The following DENND2B variants were observed in gnomAD, a reference collection of about 807,000 sequenced individuals.
The protein encoded by DENND2B is DENN domain containing 2B.
In DENND2B, 32 loss-of-function variants were observed where a neutral mutation model predicts 116.0. The ratio of observed to expected loss-of-function variants is 0.28; its 90% confidence interval spans 0.21 to 0.37. DENND2B has a LOEUF of 0.37. Ranked by LOEUF, DENND2B falls within the 10% of genes least tolerant of loss-of-function variation. DENND2B has a pLI of 1.00. For synonymous variants in DENND2B, 588 were observed against 583.9 expected (o/e 1.01, Z -0.10); for missense variants, 1,276 against 1,477.7 (o/e 0.86, Z 2.24).
At chr11:8,872,359 G>A (rs548606616), upstream of DENND2B, among the ~76,000 whole-genome samples, 1 of 151,826 alleles carries the variant, frequency 6.6e-6, no homozygotes, top group African/African-American at 2.4e-5. Flanking sequence ...GGTGGCAGGC[G>A]CCTGTAATCT....
rs1329359217 is a variant in DENND2B, at chr11:8,730,449, C to G, written c.841G>C (p.Val281Leu). ...TCAATTTTCTGGATCCGGCTCAGCA[C>G]TGCTGAGCTCTCCTTCCTGCTGCCA... ...GHGSRKESSA[V>L]LSRIQKIEQV... The change falls in exon 3 of 20, where the codon GTG (valine) becomes CTG (leucine). Residue 281 changes from valine (V) to leucine (L), a missense_variant. This residue lies in a region of DENND2B where 856 missense variants were observed against 846.6 expected (regional missense o/e 1.01). Coordinates refer to ENST00000313726, the MANE Select transcript of DENND2B (RefSeq NM_213618.2). The surrounding 1 kb of genome is among the most constrained non-coding windows in gnomAD (Gnocchi z 4.1). 1.2e-6 allele frequency: 2 copies of G among 1,610,562 alleles called. No homozygotes were observed. The highest frequency in any genetic ancestry group is 1.7e-6 in the Non-Finnish European group (2 of 1,179,994).
intron 1 of DENND2B, among the ~76,000 whole-genome samples, chr11:8,902,325 CAAAAAAAAA>C (rs71059192): frequency 7.8e-6 from 1 of 128,062 alleles, no homozygotes; most frequent in South Asian, 2.5e-4. Context: ...GACTCCATCT[CAAAAAAAAA>C]AAAAAAAGAG....
chr11:8,714,775 T>A, intron 6 of DENND2B, 69 bp from the exon 7 acceptor site: 1 of 1,330,504 alleles, frequency 7.5e-7, no homozygotes, highest in Non-Finnish European at 1.1e-6. Context: ...GAAGGCTGAG[T>A]AGGAGCCCAT....
intron 2 of DENND2B, among the ~76,000 whole-genome samples, chr11:8,867,245 C>T (rs1202905160): frequency 1.3e-5 from 2 of 152,178 alleles, no homozygotes; most frequent in African/African-American, 4.8e-5. Flanking sequence ...CCACTGCTGC[C>T]CTTCCTGAGC....
chr11:8,893,728 T>C (rs527454143), intron 1 of DENND2B, among the ~76,000 whole-genome samples: 1 of 98,150 alleles, frequency 1.0e-5, no homozygotes, highest in East Asian at 4.0e-4. Context: ...CTACAAACCG[T>C]TGCTCAACGA....
At chr11:8,787,005 T>C (rs1192514445) in intron 1 of DENND2B, 1 of 152,192 alleles carries the variant, frequency 6.6e-6, no homozygotes, top group Admixed American at 6.5e-5. Context: ...TTTAATACTG[T>C]AACACAATCC....
chr11:8,840,183 C>T (rs2062577433), intron 3 of DENND2B, among the ~76,000 whole-genome samples: 1 of 151,944 alleles, frequency 6.6e-6, no homozygotes, highest in African/African-American at 2.4e-5. Context: ...GAGAGGCCAA[C>T]ACACACACTT....
chr11:8,829,145 GGT>G (rs1012836287), intron 4 of DENND2B, among the ~76,000 whole-genome samples: 10 of 150,930 alleles, frequency 6.6e-5, no homozygotes, highest in African/African-American at 2.4e-4. Context: ...GCATATGTGT[GGT>G]GTGTGTGTGG....
Position 8,880,345 on chromosome 11 carries a change from C to CTGTGTGTGTGTGTGTGTG in DENND2B, c.-156+647_-156+664dup, listed in dbSNP as rs56051922. 2.4e-3 allele frequency among the ~76,000 whole-genome samples: 290 copies of CTGTGTGTGTGTGTGTGTG among 120,624 alleles called. 3 individuals carry two copies. Among genetic ancestry groups the CTGTGTGTGTGTGTGTGTG allele is most frequent in the Middle Eastern group, 5.3e-3 (1 of 190 alleles). The allele number at this position is 120,624 out of a possible 152,430, so 79.1% of individuals were successfully genotyped here. A position where few individuals can be genotyped will look rare whatever the true frequency, so the allele number is the denominator to read the frequency against. On this transcript the variant is annotated intron_variant, in intron 2 of 22. Coordinates refer to the DENND2B transcript ENST00000534127. ...ATGCACTGGAAGCTGTCACTTTGAA[C>CTGTGTGTGTGTGTGTGTG]TGTGTGTGTGTGTGTGTGTGTGTGT...
At chr11:8,823,995 C>T (rs1324159327) in intron 4 of DENND2B, among the ~76,000 whole-genome samples, 5 of 151,334 alleles carry the variant, frequency 3.3e-5, no homozygotes, top group Non-Finnish European at 5.9e-5. Context: ...CTCCGCCTCC[C>T]GGGTTCAAGC....
chr11:8,757,808 C>G (rs981477087), intron 1 of DENND2B, among the ~76,000 whole-genome samples: 2 of 152,180 alleles, frequency 1.3e-5, no homozygotes, highest in South Asian at 4.1e-4. Context: ...ACCAGGTGGC[C>G]TGCACCAGCT....
At chr11:8,864,454 A>G (rs2063510362) in intron 2 of DENND2B, among the ~76,000 whole-genome samples, 1 of 152,012 alleles carries the variant, frequency 6.6e-6, no homozygotes, top group Non-Finnish European at 1.5e-5. Context: ...TTTTTTCATA[A>G]GGACAGAGTC....
At chr11:8,890,724 A>C in intron 1 of DENND2B, among the ~76,000 whole-genome samples, 1 of 152,268 alleles carries the variant, frequency 6.6e-6, no homozygotes, top group East Asian at 1.9e-4. Flanking sequence ...AAAGCCTTCA[A>C]GAAATATAAG....
chr11:8,766,531 C>T (rs2055824858), intron 1 of DENND2B: 1 of 1,027,168 alleles, frequency 9.7e-7, no homozygotes, highest in East Asian at 6.0e-5. Context: ...AATCATTAAT[C>T]CAAAGAGACA....
intron 4 of DENND2B, among the ~76,000 whole-genome samples, chr11:8,837,563 G>C (rs1307795366): frequency 1.3e-5 from 2 of 152,004 alleles, no homozygotes; most frequent in Non-Finnish European, 2.9e-5. Context: ...GGCCAGGCTG[G>C]TCTCGAACTC....
chr11:8,694,718 A>T (rs1210298215), intron 19 of DENND2B: 2 of 424,264 alleles, frequency 4.7e-6, no homozygotes, highest in Non-Finnish European at 4.6e-6. Context: ...TACTGAACAT[A>T]TATAGACTTT....
intron 1 of DENND2B, among the ~76,000 whole-genome samples, chr11:8,782,871 T>C (rs1200499460): frequency 7.5e-6 from 1 of 133,200 alleles, no homozygotes; most frequent in Non-Finnish European, 1.6e-5. Flanking sequence ...TGGGCAACAG[T>C]GTGAGACTCT....
chr11:8,820,057 AATC>A (rs1382300872), intron 4 of DENND2B, among the ~76,000 whole-genome samples: 2 of 152,244 alleles, frequency 1.3e-5, no homozygotes, highest in Non-Finnish European at 2.9e-5. Context: ...TACAGGAAAA[AATC>A]ATAAAGGTAG....
intron 4 of DENND2B, among the ~76,000 whole-genome samples, chr11:8,836,174 C>T (rs1455112264): frequency 2.9e-5 from 4 of 135,698 alleles, no homozygotes; most frequent in African/African-American, 8.1e-5. Context: ...AGTGAAACCC[C>T]GTCTCTACTA....
Sources: allele counts gnomAD v4.1 joint callset (sites outside exome capture counted in the v4.1 genomes callset), GRCh38; gene constraint gnomAD v4.1.1; regional missense constraint gnomAD v4.1.1; non-coding constraint Gnocchi (gnomAD v3.1); transcripts MANE v1.5; gene names NCBI Gene and HGNC (gene_info 2026-07-23, HGNC 2026-07-21).